CPLX2: variants seen among roughly 807,000 people sequenced by gnomAD.
CPLX2 encodes the protein complexin-2.
A neutral mutation model predicts 16.3 loss-of-function variants in CPLX2; 5 were observed. The ratio of observed to expected loss-of-function variants is 0.31; its 90% CI spans 0.16 to 0.64. The LOEUF (loss-of-function observed/expected upper bound fraction) is 0.64. Ranked by LOEUF, CPLX2 falls within the 30% of genes least tolerant of loss-of-function variation. CPLX2 has a pLI of 0.79. For synonymous variants in CPLX2, 89 were observed against 73.2 expected (o/e 1.22, Z -1.10); for missense variants, 144 against 181.4 (o/e 0.79, Z 1.18).
Position 175,803,759 on chromosome 5 carries a change from G to A in CPLX2, c.-168-5230G>A, listed in dbSNP as rs142377980. 2.7e-3 allele frequency among the ~76,000 whole-genome samples: 407 copies of A among 152,366 alleles called. 4 individuals are homozygous for A. Among genetic ancestry groups the A allele is most frequent in the African/African-American group, 9.0e-3 (376 of 41,592 alleles). On this transcript the variant is annotated intron_variant, in intron 1 of 4. Coordinates refer to the CPLX2 transcript ENST00000359546. ...ACTCAGCCAGTAAGGGGTGGATGGG[G>A]TGAAGCCCATGTCAGAGTGATCCCC... is the stretch of plus-strand genomic sequence containing the variant.
rs1755657908 is a variant in CPLX2, at chr5:175,882,963, G to A, written c.*2918G>A. The A allele has an allele frequency of 6.6e-6, 1 of 152,356 alleles. No individual in the cohort carries two copies. Among genetic ancestry groups the A allele is most frequent in the Non-Finnish European group, 1.5e-5 (1 of 68,124 alleles). The allele number at this position is 152,356 out of a possible 1,614,324, so 9.4% of individuals were successfully genotyped here. On this transcript the variant is annotated 3_prime_UTR_variant, in exon 4 of 4. Coordinates refer to ENST00000393745, the MANE Select transcript of CPLX2 (RefSeq NM_001008220.2). ...GGAGGTGAGGTGTGTGTGACCCACT[G>A]GATGGGAGGGCAATGAGTGTGCACA...
At position 175,879,777 on chromosome 5, in the gene CPLX2, A is replaced by G. The variant is rs764064944; in HGVS notation, c.208-71A>G. On this transcript the variant is annotated intron_variant, in intron 3 of 3. Transcript: ENST00000393745. ...TCCTGGCCACCTCAGCCAGTGCTGC[A>G]TGATCATGAGACTCCTGCTGTCTCC... is the stretch of plus-strand genomic sequence containing the variant. 1.0e-5 allele frequency: 15 copies of G among 1,437,342 alleles called. No homozygotes were observed. The South Asian group carries it at 1.8e-4, about 18-fold the overall frequency. 89.0% of individuals were successfully genotyped at this position (1,437,342 alleles called of 1,614,324 possible).
intron 2 of CPLX2, among the ~76,000 whole-genome samples, chr5:175,857,151 C>T (rs1248296774): frequency 6.6e-6 from 1 of 152,166 alleles, no homozygotes; most frequent in Non-Finnish European, 1.5e-5. Flanking sequence ...CATTACATTC[C>T]CTGCCACCTG....
chr5:175,841,248 C>T (rs1467225327), intron 2 of CPLX2, among the ~76,000 whole-genome samples: 5 of 152,210 alleles, frequency 3.3e-5, no homozygotes, highest in Non-Finnish European at 7.3e-5. Flanking sequence ...ATACATCCCC[C>T]CAAAACCTGC....
At chr5:175,811,941 C>A (rs371107028) in intron 2 of CPLX2, among the ~76,000 whole-genome samples, 2 of 152,234 alleles carry the variant, frequency 1.3e-5, no homozygotes, top group African/African-American at 4.8e-5. Context: ...TTTGGGGTAC[C>A]CACTTCAGTG....
intron 2 of CPLX2, among the ~76,000 whole-genome samples, chr5:175,825,170 G>T (rs1758588202): frequency 6.6e-6 from 1 of 152,106 alleles, no homozygotes; most frequent in African/African-American, 2.4e-5. Flanking sequence ...GCCAAGACAG[G>T]CAGATCATGA....
intron 2 of CPLX2, among the ~76,000 whole-genome samples, chr5:175,838,932 T>C (rs909133484): frequency 2.0e-5 from 3 of 152,236 alleles, no homozygotes; most frequent in Admixed American, 2.0e-4. Flanking sequence ...AAATCCTGGC[T>C]CTGTCTCCTA....
intron 2 of CPLX2, among the ~76,000 whole-genome samples, chr5:175,834,399 TG>T (rs1758787002): frequency 6.6e-6 from 1 of 152,190 alleles, no homozygotes; most frequent in African/African-American, 2.4e-5. Context: ...CACTCAGAGC[TG>T]GAATCTAACA....
At chr5:175,821,153 C>G (rs1225724464) in intron 2 of CPLX2, among the ~76,000 whole-genome samples, 1 of 152,156 alleles carries the variant, frequency 6.6e-6, no homozygotes, top group African/African-American at 2.4e-5. Flanking sequence ...CCTACTGGAT[C>G]CTGAGCAAAC....
At chr5:175,852,380 T>C (rs1759174313) in intron 2 of CPLX2, among the ~76,000 whole-genome samples, 1 of 152,184 alleles carries the variant, frequency 6.6e-6, no homozygotes, top group African/African-American at 2.4e-5. Context: ...TTTGAGCCCA[T>C]AGCTGTTGAA....
intron 2 of CPLX2, among the ~76,000 whole-genome samples, chr5:175,820,660 C>T (rs565868856): frequency 9.2e-5 from 14 of 152,180 alleles, no homozygotes; most frequent in Non-Finnish European, 2.1e-4. Context: ...GCCCCCCGCC[C>T]CCTACCACAC....
Position 175,811,000 on chromosome 5 carries a change from C to T in CPLX2, c.-89+1932C>T, listed in dbSNP as rs530268938. ...GCAGTGGGATGAGATGGAAAGAGCA[C>T]GGGCTTTGGAATGAGGGCCAAGTTG... is the stretch of plus-strand genomic sequence containing the variant. On this transcript the variant is annotated intron_variant, in intron 2 of 4. Coordinates refer to the CPLX2 transcript ENST00000359546. Among the ~76,000 whole-genome samples the T allele has an allele frequency of 5.9e-4, 90 of 152,278 alleles. No individual in the cohort carries two copies. The Middle Eastern group carries it at 0.014, about 23-fold the overall frequency.
Position 175,872,224 on chromosome 5 carries a change from G to A in CPLX2, c.-89+519G>A, listed in dbSNP as rs1363271071. 2 of 152,434 alleles carry A rather than the reference G, an allele frequency of 1.3e-5. No individual in the cohort carries two copies. Among genetic ancestry groups the A allele is most frequent in the Admixed American group, 1.3e-4 (2 of 15,294 alleles). 9.4% of individuals were successfully genotyped at this position (152,434 alleles called of 1,614,324 possible). A position where few individuals can be genotyped will look rare whatever the true frequency, so the allele number is the denominator to read the frequency against. ...AGTGAGTCAGAGGGCGGCGGCAGGG[G>A]GGCGGACAGACCGCAGGTGGAGGGG... On this transcript the variant is annotated intron_variant, in intron 1 of 3. Coordinates refer to ENST00000393745, the MANE Select transcript of CPLX2 (RefSeq NM_001008220.2). The surrounding 1 kb of genome is among the most constrained non-coding windows in gnomAD (Gnocchi z 5.0).
In CPLX2 at chr5:175,825,118, C is replaced by T. The variant is rs6866501; in HGVS notation, c.-89+16050C>T. On this transcript the variant is annotated intron_variant, in intron 2 of 4. Coordinates refer to the CPLX2 transcript ENST00000359546. ...GAAGCTTTAACTTGGCGAACTGGAC[C>T]GGGTACAGTGGCTCGCACCTGTAAT... 3.6e-3 allele frequency among the ~76,000 whole-genome samples: 548 copies of T among 152,108 alleles called. 5 individuals carry two copies. Among genetic ancestry groups the T allele is most frequent in the African/African-American group, 0.012 (517 of 41,488 alleles).
chr5:175,852,274 T>G (rs1759171909), intron 2 of CPLX2, among the ~76,000 whole-genome samples: 1 of 152,198 alleles, frequency 6.6e-6, no homozygotes, highest in African/African-American at 2.4e-5. Flanking sequence ...GCCTAAACAG[T>G]AACTTGTTGA....
chr5:175,857,127 T>C (rs139774950), intron 2 of CPLX2, among the ~76,000 whole-genome samples: 29 of 152,282 alleles, frequency 1.9e-4, no homozygotes, highest in African/African-American at 6.5e-4. Context: ...CCAAACAACC[T>C]GGGACTCAGT....
intron 2 of CPLX2, among the ~76,000 whole-genome samples, chr5:175,812,205 C>G (rs1340051000): frequency 6.6e-6 from 1 of 152,220 alleles, no homozygotes; most frequent in Non-Finnish European, 1.5e-5. Context: ...TATAGCCTCA[C>G]CATGCGGAGG....
At chr5:175,808,917 C>T (rs1319500537) in intron 1 of CPLX2, 4 of 152,298 alleles carry the variant, frequency 2.6e-5, no homozygotes, top group African/African-American at 9.6e-5. Flanking sequence ...TCTGGGGCTC[C>T]ATGCCCATTC....
At chr5:175,807,912 G>C (rs1053821747) in intron 1 of CPLX2, among the ~76,000 whole-genome samples, 1 of 152,180 alleles carries the variant, frequency 6.6e-6, no homozygotes, top group Non-Finnish European at 1.5e-5. Flanking sequence ...CTGTCTCCCT[G>C]ATCTGGGCCA....
Sources: gnomAD v4.1 joint callset for allele counts (sites outside exome capture counted in the v4.1 genomes callset) on GRCh38, gnomAD v4.1.1 for gene constraint, Gnocchi (gnomAD v3.1) non-coding constraint, MANE v1.5 for transcripts, NCBI Gene and HGNC (gene_info 2026-07-23, HGNC 2026-07-21) for gene names.